Variants in PFKFB3 observed in about 807,000 individuals in gnomAD.
The protein encoded by PFKFB3 is 6-phosphofructo-2-kinase/fructose-2,6-biphosphatase 3.
PFKFB3 carries 33 observed loss-of-function variants against 68.0 expected under a neutral mutation model. The ratio of observed to expected loss-of-function variants is 0.49; its 90% CI spans 0.37 to 0.65. The LOEUF (loss-of-function observed/expected upper bound fraction) is 0.65. PFKFB3 is among the 30% of genes least tolerant of loss of function. The probability of loss-of-function intolerance (pLI) is 0.00; values close to 1 mark genes in which losing one functional copy is unlikely to be tolerated. For missense variants in PFKFB3, 586 were observed against 712.2 expected (o/e 0.82, Z 2.02); for synonymous variants, 315 against 288.2 (o/e 1.09, Z -0.94).
In PFKFB3 at chr10:6,192,664, C is replaced by CGTGTGTGTGT. The variant is rs34129264; in HGVS notation, c.17-20920_17-20911dup. Among the ~76,000 whole-genome samples, 298 of 128,868 alleles carry CGTGTGTGTGT rather than the reference C, an allele frequency of 2.3e-3. 1 individual carries two copies. The highest frequency in any genetic ancestry group is 7.0e-3 in the African/African-American group (246 of 35,374). The allele number at this position is 128,868 out of a possible 152,430, so 84.5% of individuals were successfully genotyped here. ...TTTGACATTGACTCTTCCCCTCACC[C>CGTGTGTGTGT]GTGTGTGTGTGTGTGTGTGTGTGTG... On this transcript the variant is annotated intron_variant, in intron 1 of 14. Coordinates refer to the PFKFB3 transcript ENST00000379789.
At chr10:6,307,654 G>C in the PFKFB3 span, among the ~76,000 whole-genome samples, 1 of 149,444 alleles carries the variant, frequency 6.7e-6, no homozygotes, top group Non-Finnish European at 1.5e-5. Flanking sequence ...TGGCATGATG[G>C]TTGTCTGTAT....
intron 1 of PFKFB3, among the ~76,000 whole-genome samples, chr10:6,147,988 G>A (rs1395772073): frequency 1.3e-5 from 2 of 152,242 alleles, no homozygotes; most frequent in Non-Finnish European, 2.9e-5. Context: ...GGAGGAACTA[G>A]TGGACAGCTA....
chr10:6,223,531 G>GGCT (rs1242782951), intron 11 of PFKFB3, among the ~76,000 whole-genome samples: 1 of 152,198 alleles, frequency 6.6e-6, no homozygotes, highest in Non-Finnish European at 1.5e-5. Context: ...GACAGCTTGT[G>GGCT]GCTGGGGACA....
intron 14 of PFKFB3, among the ~76,000 whole-genome samples, chr10:6,253,916 C>T (rs1284679308): frequency 6.6e-6 from 1 of 152,044 alleles, no homozygotes; most frequent in Non-Finnish European, 1.5e-5. Flanking sequence ...TGGTAGTGCA[C>T]ACCTGTAGTC....
intron 14 of PFKFB3, among the ~76,000 whole-genome samples, chr10:6,232,061 T>G (rs1845783642): frequency 6.6e-6 from 1 of 152,178 alleles, no homozygotes; most frequent in Non-Finnish European, 1.5e-5. Flanking sequence ...CCTGTGTGCC[T>G]GGGCTCTCTC....
At chr10:6,282,169 A>C in the PFKFB3 span, among the ~76,000 whole-genome samples, 1 of 152,004 alleles carries the variant, frequency 6.6e-6, no homozygotes, top group Non-Finnish European at 1.5e-5. Context: ...AATGGAGATG[A>C]TTGTGTGCTG....
the PFKFB3 span, among the ~76,000 whole-genome samples, chr10:6,300,844 T>C: frequency 6.6e-6 from 1 of 152,220 alleles, no homozygotes; most frequent in East Asian, 1.9e-4. Context: ...GCGATTATGC[T>C]GTAGGTACTA....
chr10:6,247,482 C>G (rs1387667766), intron 14 of PFKFB3, among the ~76,000 whole-genome samples: 1 of 152,244 alleles, frequency 6.6e-6, no homozygotes, highest in African/African-American at 2.4e-5. Context: ...TTGGCCAGTT[C>G]AGGCCAAGGC....
chr10:6,254,097 C>CTTTTTTTTTT (rs34789693), intron 14 of PFKFB3: 4 of 301,164 alleles, frequency 1.3e-5, no homozygotes, highest in African/African-American at 2.5e-5. Context: ...TTTCAGATGG[C>CTTTTTTTTTT]TTTTTTTTTT....
intron 14 of PFKFB3, among the ~76,000 whole-genome samples, chr10:6,242,918 A>T (rs183497947): frequency 6.6e-6 from 1 of 152,328 alleles, no homozygotes; most frequent in Non-Finnish European, 1.5e-5. Flanking sequence ...TTTACTTTAT[A>T]GCAGATTCAG....
At chr10:6,219,793 A>C (rs1012063368) in intron 7 of PFKFB3, 100 bp downstream of exon 7, 99 of 1,362,506 alleles carry the variant, frequency 7.3e-5, no homozygotes, top group Admixed American at 1.5e-4. Flanking sequence ...ACCTTTAAAA[A>C]AATTTTTTTA....
rs778092840 is a variant in PFKFB3, at chr10:6,235,251, T to C, written c.*2309T>C. 1 of 152,762 alleles carries C rather than the reference T, an allele frequency of 6.5e-6. No homozygotes were observed. The highest frequency in any genetic ancestry group is 2.1e-4 in the South Asian group (1 of 4,836). The allele number at this position is 152,762 out of a possible 1,614,324, so 9.5% of individuals were successfully genotyped here. A position where few individuals can be genotyped will look rare whatever the true frequency, so the allele number is the denominator to read the frequency against. On this transcript the variant is annotated 3_prime_UTR_variant, in exon 15 of 15. Coordinates refer to ENST00000379775, the MANE Select transcript of PFKFB3 (RefSeq NM_004566.4). ...ACACCAATGATATTTTTCTTTGTAA[T>C]ACTTGAAATTTATTTTTTTATTATT... is the stretch of plus-strand genomic sequence containing the variant.
the PFKFB3 span, among the ~76,000 whole-genome samples, chr10:6,263,022 C>T: frequency 1.3e-5 from 2 of 151,928 alleles, no homozygotes; most frequent in Non-Finnish European, 2.9e-5. Flanking sequence ...GAATTAAAGA[C>T]ACACACACAC....
intron 14 of PFKFB3, among the ~76,000 whole-genome samples, chr10:6,241,998 A>G (rs1446298664): frequency 1.3e-5 from 2 of 151,790 alleles, no homozygotes; most frequent in Non-Finnish European, 2.9e-5. Flanking sequence ...GGTGTGAACC[A>G]CCATGTCCTG....
At chr10:6,177,384 C>CTTTCT (rs1161404073) in intron 1 of PFKFB3, among the ~76,000 whole-genome samples, 1 of 111,614 alleles carries the variant, frequency 9.0e-6, no homozygotes, top group Non-Finnish European at 2.1e-5. Flanking sequence ...TTCTTTCTTT[C>CTTTCT]TTTCTTTCTT....
chr10:6,313,461 C>T, the PFKFB3 span, among the ~76,000 whole-genome samples: 10 of 152,290 alleles, frequency 6.6e-5, no homozygotes, highest in East Asian at 3.9e-4. The surrounding 1 kb of genome is among the most constrained non-coding windows in gnomAD (Gnocchi z 4.2). Context: ...TGTCTCCTGC[C>T]GAGCTGCTGT....
downstream of PFKFB3, among the ~76,000 whole-genome samples, chr10:6,257,334 G>A (rs940639104): frequency 2.5e-4 from 38 of 152,252 alleles, no homozygotes; most frequent in African/African-American, 8.9e-4. Flanking sequence ...AAGTTGTGTG[G>A]GCTGAACTTT....
At chr10:6,148,673 C>A (rs535390915) in intron 1 of PFKFB3, among the ~76,000 whole-genome samples, 1 of 152,302 alleles carries the variant, frequency 6.6e-6, no homozygotes, top group East Asian at 1.9e-4. Context: ...AGGCAGGAAG[C>A]ACTTCAGCTG....
In PFKFB3 at chr10:6,231,885, C is replaced by T. The variant is rs34794656; in HGVS notation, c.1516-1010C>T. Among the ~76,000 whole-genome samples, 45 of 151,416 alleles carry T rather than the reference C, an allele frequency of 3.0e-4. No homozygotes were observed. The East Asian group carries it at 3.1e-3, about 11-fold the overall frequency. ...CTGGCGGGCACCCATCACCTCTCGG[C>T]GGGCACCCATCACCTCCCGGTGGGC... On this transcript the variant is annotated intron_variant, in intron 14 of 14. Coordinates refer to ENST00000379775, the MANE Select transcript of PFKFB3 (RefSeq NM_004566.4).
Sources: gnomAD v4.1 joint callset for allele counts (sites outside exome capture counted in the v4.1 genomes callset) on GRCh38, gnomAD v4.1.1 for gene constraint, Gnocchi (gnomAD v3.1) non-coding constraint, MANE v1.5 for transcripts, NCBI Gene and HGNC (gene_info 2026-07-23, HGNC 2026-07-21) for gene names.